The following MCHR2 variants were observed in gnomAD, a reference collection of about 807,000 sequenced individuals.
MCHR2 encodes the protein melanin concentrating hormone receptor 2, also known as melanin-concentrating hormone receptor 2.
Under a neutral mutation model 24.8 loss-of-function variants are expected in MCHR2, and 15 were observed. The ratio of observed to expected loss-of-function variants is 0.60; its 90% CI spans 0.40 to 0.93. The LOEUF (loss-of-function observed/expected upper bound fraction) is 0.93. Among genes scored for constraint, MCHR2 ranks in the 40% least tolerant of loss-of-function variants. The pLI, the probability that MCHR2 is intolerant of heterozygous loss-of-function variation, is 0.00. For missense variants in MCHR2, 386 were observed against 408.7 expected, an observed-to-expected ratio of 0.94 and a Z score of 0.48; for synonymous variants, 151 against 147.6, an observed-to-expected ratio of 1.02 and a Z score of -0.17.
chr6:99,980,520 G>T (rs778196173), intron 1 of MCHR2, among the ~76,000 whole-genome samples: 56 of 151,358 alleles, frequency 3.7e-4, no homozygotes, highest in Non-Finnish European at 6.2e-4. Context: ...CAATGGGATG[G>T]ACTTGAGAAA....
intron 1 of MCHR2, among the ~76,000 whole-genome samples, chr6:99,982,028 T>C (rs1282247593): frequency 6.6e-6 from 1 of 152,128 alleles, no homozygotes; most frequent in Non-Finnish European, 1.5e-5. Context: ...CCACATATCT[T>C]GCATCTAATT....
rs530336764 is a variant in MCHR2, at chr6:99,986,331, C to T, written c.-28+7605G>A. ...TCATCTCATCACTGGGTATCTACCC[C>T]TAAAAAAGAAATCATGTATCAAAAA... On this transcript the variant is annotated intron_variant, in intron 1 of 5. Coordinates refer to ENST00000281806, the MANE Select transcript of MCHR2 (RefSeq NM_001040179.2). Among the ~76,000 whole-genome samples, 290 of 152,068 alleles carry T rather than the reference C, an allele frequency of 1.9e-3. 1 individual carries two copies. The highest frequency in any genetic ancestry group is 3.8e-3 in the Non-Finnish European group (256 of 67,936).
chr6:99,922,069 AG>A (rs1479582379), intron 5 of MCHR2, among the ~76,000 whole-genome samples: 2 of 150,482 alleles, frequency 1.3e-5, no homozygotes, highest in Non-Finnish European at 2.9e-5. Context: ...CAATTTATAT[AG>A]CCAAGCTTTT....
At chr6:99,951,150 G>T (rs1774957552) in intron 2 of MCHR2, among the ~76,000 whole-genome samples, 1 of 152,156 alleles carries the variant, frequency 6.6e-6, no homozygotes, top group Admixed American at 6.5e-5. Context: ...TGGTGTTGGG[G>T]TGAGGGATGG....
Position 99,973,873 on chromosome 6 carries a change from T to C in MCHR2, c.-27-17699A>G, listed in dbSNP as rs138910513. 5.3e-4 allele frequency among the ~76,000 whole-genome samples: 81 copies of C among 152,348 alleles called. No individual in the cohort carries two copies. In the East Asian group the frequency reaches 0.014, roughly 26 times the overall value. Reference sequence around the variant, plus strand: ...GGGTTGAAAATTCTTTCTTTAAGAATGTTAAATATTGGCCCCCACTCTCTT... The same window carrying C: ...GGGTTGAAAATTCTTTCTTTAAGAACGTTAAATATTGGCCCCCACTCTCTT... On this transcript the variant is annotated intron_variant, in intron 1 of 5. Transcript: ENST00000281806.
In MCHR2 at chr6:99,988,843, G is replaced by C. The variant is rs79498666; in HGVS notation, c.-28+5093C>G. ...TATTGGGCACAAGTTGCTACCAGCAGGCATATAACTTTTTCCATATAATGA... is the reference window on the plus strand; with the variant it reads ...TATTGGGCACAAGTTGCTACCAGCACGCATATAACTTTTTCCATATAATGA... On this transcript the variant is annotated intron_variant, in intron 1 of 5. Coordinates refer to ENST00000281806, the MANE Select transcript of MCHR2 (RefSeq NM_001040179.2). Among the ~76,000 whole-genome samples the C allele has an allele frequency of 7.1e-3, 1,076 of 152,282 alleles. 8 individuals are homozygous for C. Among genetic ancestry groups the C allele is most frequent in the South Asian group, 0.017 (80 of 4,832 alleles).
rs1049768097 is a variant in MCHR2, at chr6:99,920,103, A to G, written c.*837T>C. 6.6e-6 allele frequency: 1 copy of G among 152,260 alleles called. No homozygotes were observed. The highest frequency in any genetic ancestry group is 2.4e-5 in the African/African-American group (1 of 41,470). The allele number at this position is 152,260 out of a possible 1,614,324, so 9.4% of individuals were successfully genotyped here. On this transcript the variant is annotated 3_prime_UTR_variant, in exon 6 of 6. Coordinates refer to ENST00000281806, the MANE Select transcript of MCHR2 (RefSeq NM_001040179.2). ...AGTGCAGATGCCAGTTTCTACAGTTAGCAGGTGTGAGAACAAAGATAATCC... is the reference window on the plus strand; with the variant it reads ...AGTGCAGATGCCAGTTTCTACAGTTGGCAGGTGTGAGAACAAAGATAATCC...
chr6:99,924,023 A>C (rs1023354208), intron 5 of MCHR2, among the ~76,000 whole-genome samples: 1 of 152,112 alleles, frequency 6.6e-6, no homozygotes, highest in Non-Finnish European at 1.5e-5. Flanking sequence ...GGATTCAATG[A>C]AGCCATTGGG....
At chr6:99,928,011 A>G (rs903683541) in intron 5 of MCHR2, among the ~76,000 whole-genome samples, 7 of 152,220 alleles carry the variant, frequency 4.6e-5, no homozygotes, top group Non-Finnish European at 1.0e-4. Context: ...GATACATCCT[A>G]TCAATACCTA....
rs778268995 is a variant in MCHR2 at position 99,956,029 on chromosome 6, A to G, written c.119T>C (p.Met40Thr). The G allele has an allele frequency of 1.9e-6, 3 of 1,613,182 alleles. No homozygotes were observed. The highest frequency in any genetic ancestry group is 2.2e-5 in the South Asian group (2 of 91,010). ...CCCTGTTGAACAGATAATCCCAATC[A>G]TGGAAGGGAGGATGACTGTATCTAC... is the stretch of plus-strand genomic sequence containing the variant. Reference protein sequence around the residue: ...SVVDTVILPSMIGIICSTGLV... With the variant: ...SVVDTVILPSTIGIICSTGLV... The change falls in exon 2 of 6, where the codon ATG (methionine) becomes ACG (threonine). Residue 40 changes from methionine (M) to threonine (T), a missense_variant. Met to Thr is a moderately conservative substitution (Grantham distance 81, BLOSUM62 -1). Coordinates refer to ENST00000281806, the MANE Select transcript of MCHR2 (RefSeq NM_001040179.2).
At chr6:99,988,201 AG>A (rs908781130) in intron 1 of MCHR2, among the ~76,000 whole-genome samples, 1 of 152,240 alleles carries the variant, frequency 6.6e-6, no homozygotes, top group Non-Finnish European at 1.5e-5. Flanking sequence ...AGACTTTCAC[AG>A]GGGAAGACAG....
chr6:99,951,774 A>G (rs1242114498), intron 2 of MCHR2, among the ~76,000 whole-genome samples: 2 of 152,046 alleles, frequency 1.3e-5, no homozygotes, highest in African/African-American at 4.8e-5. Context: ...GTGTTCTAAA[A>G]CGTTTTCCAT....
chr6:99,963,423 A>G (rs1480655127), intron 1 of MCHR2, among the ~76,000 whole-genome samples: 1 of 152,156 alleles, frequency 6.6e-6, no homozygotes, highest in Non-Finnish European at 1.5e-5. Context: ...GAAAGATACT[A>G]TATGATTTCA....
chr6:99,989,875 T>C (rs1775836282), intron 1 of MCHR2, among the ~76,000 whole-genome samples: 1 of 152,210 alleles, frequency 6.6e-6, no homozygotes, highest in Non-Finnish European at 1.5e-5. Flanking sequence ...AAAATGTTTT[T>C]ATATGTGCTC....
intron 5 of MCHR2, among the ~76,000 whole-genome samples, chr6:99,929,469 G>A (rs1774452797): frequency 6.6e-6 from 1 of 152,138 alleles, no homozygotes; most frequent in Non-Finnish European, 1.5e-5. Flanking sequence ...TTGTGTGGGA[G>A]TCTAAGTCTC....
Position 99,920,764 on chromosome 6 carries a change from C to T in MCHR2, c.*176G>A. On this transcript the variant is annotated 3_prime_UTR_variant, in exon 6 of 6. Coordinates refer to ENST00000281806, the MANE Select transcript of MCHR2 (RefSeq NM_001040179.2). Reference sequence around the variant, plus strand: ...ATATAGATCAACATTTTACATCTTGCTAAAGTTAGCATATTAAGCTCATTG... The same window carrying T: ...ATATAGATCAACATTTTACATCTTGTTAAAGTTAGCATATTAAGCTCATTG... 1.6e-6 allele frequency: 1 copy of T among 638,822 alleles called. No homozygotes were observed. The highest frequency in any genetic ancestry group is 2.7e-6 in the Non-Finnish European group (1 of 370,876). 39.6% of individuals were successfully genotyped at this position (638,822 alleles called of 1,614,324 possible). A position where few individuals can be genotyped will look rare whatever the true frequency, so the allele number is the denominator to read the frequency against.
chr6:99,936,735 G>A (rs1455076592), intron 4 of MCHR2, among the ~76,000 whole-genome samples: 4 of 151,832 alleles, frequency 2.6e-5, no homozygotes, highest in African/African-American at 9.7e-5. Context: ...AACTGTTATT[G>A]GTATTTTGAG....
intron 1 of MCHR2, among the ~76,000 whole-genome samples, chr6:99,964,496 G>A (rs1425110525): frequency 6.6e-6 from 1 of 152,120 alleles, no homozygotes; most frequent in Non-Finnish European, 1.5e-5. Context: ...AGGCAAAGGA[G>A]AAGCAGGCAC....
intron 2 of MCHR2, among the ~76,000 whole-genome samples, chr6:99,949,481 T>C (rs535925166): frequency 5.9e-5 from 9 of 152,166 alleles, no homozygotes; most frequent in Non-Finnish European, 1.2e-4. Context: ...GCTAGTGCTC[T>C]GCTGTTTGGA....
Sources: allele counts gnomAD v4.1 joint callset (sites outside exome capture counted in the v4.1 genomes callset), GRCh38; gene constraint gnomAD v4.1.1; transcripts MANE v1.5; gene names NCBI Gene and HGNC (gene_info 2026-07-23, HGNC 2026-07-21).